The following F13A1 variants were observed in gnomAD, a reference collection of about 807,000 sequenced individuals.
F13A1 encodes coagulation factor XIII A chain, also known as FSF, A subunit.
F13A1 carries 47 observed loss-of-function variants against 80.1 expected under a neutral mutation model. The ratio of observed to expected loss-of-function variants is 0.59; its 90% confidence interval spans 0.46 to 0.75. The LOEUF is 0.75. F13A1 is among the 30% of genes least tolerant of loss of function. The pLI is 0.00. For synonymous variants in F13A1, 349 were observed against 344.9 expected (o/e 1.01, Z -0.13); for missense variants, 817 against 930.4 (o/e 0.88, Z 1.59).
At position 6,206,507 on chromosome 6, in the gene F13A1, C is replaced by G. The variant is rs191054685; in HGVS notation, c.1113-9181G>C. ...ACAATGACCTCTGACATTTTACCCC[C>G]AAACTCCCCTTGGTTTACTCTCAAG... On this transcript the variant is annotated intron_variant, in intron 8 of 14. Transcript: ENST00000264870. 323 of 475,128 alleles carry G rather than the reference C, an allele frequency of 6.8e-4. 3 individuals carry two copies. Among genetic ancestry groups the G allele is most frequent in the Non-Finnish European group, 2.6e-4 (60 of 229,214 alleles). The allele number at this position is 475,128 out of a possible 1,614,324, so 29.4% of individuals were successfully genotyped here.
chr6:6,288,782 G>C (rs892523825), intron 3 of F13A1, among the ~76,000 whole-genome samples: 3 of 152,184 alleles, frequency 2.0e-5, no homozygotes, highest in Non-Finnish European at 4.4e-5. Context: ...TAGTGTATAG[G>C]GTTCTCTATT....
intron 6 of F13A1, among the ~76,000 whole-genome samples, chr6:6,232,065 C>G (rs1268761): frequency 0.13 from 19,693 of 152,052 alleles, 1,348 homozygotes; most frequent in East Asian, 0.15. Context: ...ACACAGGCAA[C>G]AAAGAGCATG....
intron 4 of F13A1, among the ~76,000 whole-genome samples, chr6:6,251,424 G>A (rs1038983142): frequency 1.3e-5 from 2 of 152,208 alleles, no homozygotes; most frequent in Admixed American, 6.5e-5. Flanking sequence ...GAGGGAAGCA[G>A]TAGGTCATCT....
intron 4 of F13A1, 89 bp from the exon 5 acceptor site, chr6:6,251,018 A>G: frequency 9.4e-7 from 1 of 1,064,334 alleles, no homozygotes; most frequent in Non-Finnish European, 1.5e-6. Context: ...TTGTTTCTAA[A>G]CTACATTTAA....
At chr6:6,274,695 C>A (rs941074182) in intron 3 of F13A1, among the ~76,000 whole-genome samples, 1 of 152,220 alleles carries the variant, frequency 6.6e-6, no homozygotes. Context: ...AGCATGCCAG[C>A]CTCTTCCTGG....
intron 12 of F13A1, 129 bp downstream of exon 12, chr6:6,174,451 T>G: frequency 2.0e-6 from 2 of 1,024,754 alleles, no homozygotes; most frequent in Non-Finnish European, 3.1e-6. Context: ...GTTCTCCCTG[T>G]GAGGCTCACA....
intron 8 of F13A1, among the ~76,000 whole-genome samples, chr6:6,212,108 G>T (rs991629218): frequency 8.5e-5 from 13 of 152,344 alleles, no homozygotes; most frequent in African/African-American, 3.1e-4. Context: ...GCGGAGGGGC[G>T]CCCGCCATTG....
At chr6:6,233,387 G>C (rs1395635241) in intron 6 of F13A1, among the ~76,000 whole-genome samples, 2 of 152,006 alleles carry the variant, frequency 1.3e-5, no homozygotes, top group African/African-American at 4.8e-5. Flanking sequence ...AACCCTCCTA[G>C]CTTAAGTCAG....
intron 3 of F13A1, among the ~76,000 whole-genome samples, chr6:6,292,391 C>T (rs929221886): frequency 6.6e-6 from 1 of 152,156 alleles, no homozygotes; most frequent in African/African-American, 2.4e-5. Context: ...CTCCCCAACA[C>T]AAGTCCTGCA....
chr6:6,309,417 G>C (rs767373531), intron 2 of F13A1, among the ~76,000 whole-genome samples: 1 of 152,154 alleles, frequency 6.6e-6, no homozygotes, highest in Non-Finnish European at 1.5e-5. Flanking sequence ...AGCAAAAGAG[G>C]AGTCAGTTGT....
chr6:6,184,361 C>A (rs913517006), intron 10 of F13A1, among the ~76,000 whole-genome samples: 8 of 152,228 alleles, frequency 5.3e-5, no homozygotes, highest in Admixed American at 1.3e-4. Context: ...GAGCATGAGC[C>A]CCAGCTTGAG....
chr6:6,160,416 A>G (rs984921207), intron 13 of F13A1, among the ~76,000 whole-genome samples: 2 of 151,790 alleles, frequency 1.3e-5, no homozygotes, highest in South Asian at 2.1e-4. Flanking sequence ...GGCTCACTGC[A>G]GCTTCTGCTT....
chr6:6,280,185 T>C (rs1758041383), intron 3 of F13A1, among the ~76,000 whole-genome samples: 1 of 152,214 alleles, frequency 6.6e-6, no homozygotes. Context: ...TTACTAGTGC[T>C]TATGATGAGC....
rs116376564 is a variant in F13A1, at chr6:6,273,665, C to T, written c.320-6856G>A. ...TGATTCATTTGTTTTTCCCAAGGCG[C>T]ACCTTTCATGTTCAAAATAATCAAT... On this transcript the variant is annotated intron_variant, in intron 3 of 14. Transcript: ENST00000264870. 4.2e-3 allele frequency among the ~76,000 whole-genome samples: 639 copies of T among 152,264 alleles called. 6 individuals are homozygous for T. Among genetic ancestry groups the T allele is most frequent in the African/African-American group, 0.014 (579 of 41,544 alleles).
chr6:6,245,204 C>A (rs1304143997), intron 6 of F13A1, among the ~76,000 whole-genome samples: 3 of 152,178 alleles, frequency 2.0e-5, no homozygotes, highest in Non-Finnish European at 2.9e-5. Context: ...TATAAATATA[C>A]TGAACAATAA....
At chr6:6,267,113 C>T (rs1757856307) in intron 3 of F13A1, among the ~76,000 whole-genome samples, 3 of 152,158 alleles carry the variant, frequency 2.0e-5, no homozygotes, top group African/African-American at 4.8e-5. Context: ...TTAAAAGAGT[C>T]TTTGGTAGGC....
intron 12 of F13A1, among the ~76,000 whole-genome samples, chr6:6,169,660 C>T (rs11754484): frequency 0.2 from 31,010 of 152,054 alleles, 3,804 homozygotes; most frequent in East Asian, 0.52. Context: ...TTTTGATTGT[C>T]ACAACTGGGG....
chr6:6,281,312 C>A (rs577541638), intron 3 of F13A1, among the ~76,000 whole-genome samples: 1 of 152,238 alleles, frequency 6.6e-6, no homozygotes, highest in South Asian at 2.1e-4. Flanking sequence ...ATTCTGAAGA[C>A]CTTGTCTTCT....
chr6:6,152,126 T>C (rs1183379080), intron 13 of F13A1, among the ~76,000 whole-genome samples, 177 bp from the exon 14 acceptor site: 2 of 152,170 alleles, frequency 1.3e-5, no homozygotes, highest in Non-Finnish European at 2.9e-5. Context: ...GAGAAAGAGA[T>C]GGAAATTTAC....
Sources: gnomAD v4.1 joint callset for allele counts (sites outside exome capture counted in the v4.1 genomes callset) on GRCh38, gnomAD v4.1.1 for gene constraint, MANE v1.5 for transcripts, NCBI Gene and HGNC (gene_info 2026-07-23, HGNC 2026-07-21) for gene names.